ZFPM1: variants seen among roughly 807,000 people sequenced by gnomAD.
ZFPM1 encodes the protein zinc finger protein ZFPM1.
ZFPM1 carries 28 observed loss-of-function variants against 46.3 expected under a neutral mutation model. That is an observed-to-expected ratio of 0.60 (90% CI 0.45 to 0.83). ZFPM1 has a LOEUF of 0.83. Ranked by LOEUF, ZFPM1 falls within the 40% of genes least tolerant of loss-of-function variation. ZFPM1 has a pLI of 0.00. For missense variants in ZFPM1, 1,878 were observed against 1,432.4 expected (o/e 1.31, Z -5.02); for synonymous variants, 957 against 675.9 (o/e 1.42, Z -6.45).
chr16:88,519,419 AGATG>A (rs1006789217), intron 4 of ZFPM1, among the ~76,000 whole-genome samples: 2 of 125,362 alleles, frequency 1.6e-5, no homozygotes, highest in East Asian at 2.7e-4. Flanking sequence ...ATGGGTGGAT[AGATG>A]GATGGATGGA....
intron 6 of ZFPM1, among the ~76,000 whole-genome samples, chr16:88,530,146 G>A (rs538109928): frequency 9.3e-4 from 142 of 152,304 alleles, no homozygotes; most frequent in Non-Finnish European, 1.3e-3. Flanking sequence ...GGGTGCCCCC[G>A]TAGTGTCTCG....
chr16:88,504,634 G>GCCCC (rs1225525031), intron 3 of ZFPM1, among the ~76,000 whole-genome samples: 2 of 152,100 alleles, frequency 1.3e-5, no homozygotes, highest in Non-Finnish European at 2.9e-5. Context: ...ACCCCTTAAG[G>GCCCC]GTACATGGAG....
At chr16:88,529,425 A>AAG (rs1912607227) in intron 6 of ZFPM1, among the ~76,000 whole-genome samples, 2 of 152,170 alleles carry the variant, frequency 1.3e-5, no homozygotes, top group Non-Finnish European at 2.9e-5. Flanking sequence ...GTTAGGGGCA[A>AAG]AGAGACCTGC....
At chr16:88,496,801 G>A (rs1203181062) in intron 3 of ZFPM1, among the ~76,000 whole-genome samples, 3 of 152,260 alleles carry the variant, frequency 2.0e-5, no homozygotes, top group Non-Finnish European at 4.4e-5. Context: ...GGGGGCTCTC[G>A]ACTCCTGGTA....
At chr16:88,511,046 T>C (rs1485882805) in intron 3 of ZFPM1, among the ~76,000 whole-genome samples, 1 of 151,888 alleles carries the variant, frequency 6.6e-6, no homozygotes, top group Non-Finnish European at 1.5e-5. Flanking sequence ...GGAGCTGGCA[T>C]CTCTGCTGGG....
At chr16:88,515,136 G>A (rs1911218387) in intron 4 of ZFPM1, among the ~76,000 whole-genome samples, 1 of 152,222 alleles carries the variant, frequency 6.6e-6, no homozygotes, top group Non-Finnish European at 1.5e-5. Context: ...AGGGTATAAT[G>A]GTTTCTTTTA....
chr16:88,453,747 G>A, intron 1 of ZFPM1, 69 bp downstream of exon 1: 4 of 971,622 alleles, frequency 4.1e-6, no homozygotes, highest in South Asian at 3.6e-5. Context: ...CGCCAGCGCC[G>A]CCCCCGCCCG....
intron 1 of ZFPM1, among the ~76,000 whole-genome samples, chr16:88,477,933 C>T (rs567533714): frequency 3.7e-4 from 56 of 152,146 alleles, no homozygotes; most frequent in African/African-American, 1.3e-3. Flanking sequence ...GGGCTTGGCC[C>T]TCCTGGAGCC....
intron 1 of ZFPM1, among the ~76,000 whole-genome samples, chr16:88,462,775 T>G (rs1907956424): frequency 6.6e-6 from 1 of 152,202 alleles, no homozygotes; most frequent in African/African-American, 2.4e-5. Flanking sequence ...GGCACCAGGC[T>G]GGGCTCCAGG....
chr16:88,462,820 C>T (rs12444357), intron 1 of ZFPM1, among the ~76,000 whole-genome samples: 1 of 147,766 alleles, frequency 6.8e-6, no homozygotes, highest in Non-Finnish European at 1.5e-5. Flanking sequence ...CTCAGCCACC[C>T]TGAGCCTCAG....
chr16:88,520,450 G>T (rs562082020), intron 4 of ZFPM1, among the ~76,000 whole-genome samples: 1 of 150,492 alleles, frequency 6.6e-6, no homozygotes, highest in African/African-American at 2.5e-5. Context: ...TAGGTGGGTA[G>T]ATGGATGGTG....
In ZFPM1 at chr16:88,501,691, G is replaced by T. The variant is rs867942563; in HGVS notation, c.268+12538G>T. On this transcript the variant is annotated intron_variant, in intron 3 of 9. Transcript: ENST00000319555. ...GATAGAGATAGCGGGTGTGGGTGCA[G>T]GGCCTCTCCCGCAGGTGCTCTTGAT... is the stretch of plus-strand genomic sequence containing the variant. Among the ~76,000 whole-genome samples the T allele has an allele frequency of 7.0e-3, 911 of 130,360 alleles. 114 individuals are homozygous for T. The highest frequency in any genetic ancestry group is 0.028 in the African/African-American group (875 of 31,238). 85.5% of individuals were successfully genotyped at this position (130,360 alleles called of 152,430 possible).
chr16:88,528,054 C>G lies in ZFPM1; in HGVS notation c.528C>G (p.Val176=). 1.3e-6 allele frequency: 2 copies of G among 1,553,196 alleles called. No individual in the cohort carries two copies. Among genetic ancestry groups the G allele is most frequent in the South Asian group, 2.4e-5 (2 of 84,776 alleles). ...HRKDDALWCR[V]TKPVPAGGLL... ...CAGATGACGCACTCTGGTGCAGGGT[C>G]ACCAAGCCGGTGCCTGCGGGGGGAC... Residue 176 remains valine (V), a synonymous_variant, in exon 6 of 10, where the codon GTC becomes GTG. Coordinates refer to ENST00000319555, the MANE Select transcript of ZFPM1 (RefSeq NM_153813.3).
At chr16:88,516,576 C>G (rs1030258132) in intron 4 of ZFPM1, 4 of 398,548 alleles carry the variant, frequency 1.0e-5, no homozygotes, top group African/African-American at 2.1e-5. Flanking sequence ...CTATCTCCGC[C>G]TTGGCGCCGA....
rs1006876142 is a variant in ZFPM1, at chr16:88,480,793, T to A, written c.41-5146T>A. 6.6e-6 allele frequency among the ~76,000 whole-genome samples: 1 copy of A among 152,180 alleles called. No homozygotes were observed. The highest frequency in any genetic ancestry group is 1.5e-5 in the Non-Finnish European group (1 of 68,016). On this transcript the variant is annotated intron_variant, in intron 1 of 9. Coordinates refer to ENST00000319555, the MANE Select transcript of ZFPM1 (RefSeq NM_153813.3). The surrounding 1 kb of genome is among the most constrained non-coding windows in gnomAD (Gnocchi z 4.9). ...CCCCATCTGCGCCCCACCTGGCATG[T>A]CCACCCTGGGGCCCACAGTCTGGGG... is the stretch of plus-strand genomic sequence containing the variant.
intron 3 of ZFPM1, among the ~76,000 whole-genome samples, chr16:88,499,527 C>A (rs1463110747): frequency 3.3e-5 from 5 of 152,164 alleles, no homozygotes; most frequent in African/African-American, 1.2e-4. Flanking sequence ...CAGGCAGGAC[C>A]GCGCACGTGG....
upstream of ZFPM1, among the ~76,000 whole-genome samples, chr16:88,452,165 G>A (rs549418069): frequency 1.4e-4 from 21 of 152,260 alleles, no homozygotes; most frequent in South Asian, 1.9e-3. Flanking sequence ...AGTGTAGACC[G>A]AGAACATTAA....
rs930675462 is a variant in ZFPM1, at chr16:88,477,494, G to A, written c.41-8445G>A. On this transcript the variant is annotated intron_variant, in intron 1 of 9. Transcript: ENST00000319555. Reference sequence around the variant, plus strand: ...AAAGCCAAACATGGCTGGGTGCAGTGGCTCATGCCTGCAATCCCAACACTT... The same window carrying A: ...AAAGCCAAACATGGCTGGGTGCAGTAGCTCATGCCTGCAATCCCAACACTT... Among the ~76,000 whole-genome samples, 23 of 152,310 alleles carry A rather than the reference G, an allele frequency of 1.5e-4. 1 individual carries two copies. The highest frequency in any genetic ancestry group is 5.5e-4 in the African/African-American group (23 of 41,574).
chr16:88,526,923 A>G lies in ZFPM1; in HGVS notation c.505+7A>G. 6.4e-7 allele frequency: 1 copy of G among 1,562,124 alleles called. No homozygotes were observed. ...ACAGAGATCCACAGGAAGGGTCAGT[A>G]TGACGCGGCACCTCCGTCCCAAGCC... On this transcript the variant is annotated splice_region_variant and intron_variant, in intron 5 of 9. Transcript: ENST00000319555.
Sources: allele counts gnomAD v4.1 joint callset (sites outside exome capture counted in the v4.1 genomes callset), GRCh38; gene constraint gnomAD v4.1.1; non-coding constraint Gnocchi (gnomAD v3.1); transcripts MANE v1.5; gene names NCBI Gene and HGNC (gene_info 2026-07-23, HGNC 2026-07-21).